Variants in MCM9 observed in about 807,000 individuals in gnomAD.
MCM9 encodes DNA helicase MCM9.
Under a neutral mutation model 72.8 loss-of-function variants are expected in MCM9, and 55 were observed. That is an observed-to-expected ratio of 0.76 (90% CI 0.61 to 0.95). MCM9 has a LOEUF of 0.95. Among genes scored for constraint, MCM9 ranks in the 40% least tolerant of loss-of-function variants. The pLI is 0.00. For missense variants in MCM9, 1,279 were observed against 1,377.0 expected (o/e 0.93, Z 1.13); for synonymous variants, 480 against 503.4 (o/e 0.95, Z 0.62).
chr6:118,890,719 G>A (rs1419164925), intron 8 of MCM9, among the ~76,000 whole-genome samples: 8 of 151,622 alleles, frequency 5.3e-5, no homozygotes, highest in African/African-American at 1.9e-4. Context: ...CAAATCTCTA[G>A]TCTATATTTA....
intron 8 of MCM9, among the ~76,000 whole-genome samples, chr6:118,861,969 C>T (rs1427418437): frequency 6.6e-6 from 1 of 152,198 alleles, no homozygotes; most frequent in African/African-American, 2.4e-5. Flanking sequence ...CCATGCTGAG[C>T]TACCTTCAGC....
intron 8 of MCM9, among the ~76,000 whole-genome samples, chr6:118,896,564 C>T (rs1470487007): frequency 1.3e-5 from 2 of 152,166 alleles, no homozygotes; most frequent in Non-Finnish European, 2.9e-5. Context: ...CAGGGATTTA[C>T]AGTACTGGTG....
At chr6:118,862,487 A>C (rs1776966860) in intron 8 of MCM9, among the ~76,000 whole-genome samples, 1 of 152,218 alleles carries the variant, frequency 6.6e-6, no homozygotes, top group Non-Finnish European at 1.5e-5. Flanking sequence ...GCACCTAGAC[A>C]GTCCCATCTG....
chr6:118,922,210 G>A, intron 4 of MCM9, 124 bp from the exon 5 acceptor site: 11 of 634,262 alleles, frequency 1.7e-5, no homozygotes, highest in South Asian at 9.3e-5. Flanking sequence ...AATTATAATG[G>A]GGATTTAAGT....
intron 1 of MCM9, among the ~76,000 whole-genome samples, chr6:118,933,964 CAAAA>C (rs58109173): frequency 2.0e-5 from 2 of 100,296 alleles, no homozygotes; most frequent in South Asian, 3.7e-4. Flanking sequence ...GGACTTTGCC[CAAAA>C]AAAAAAAAAA....
intron 3 of MCM9, among the ~76,000 whole-genome samples, chr6:118,926,169 C>T (rs547640977): frequency 1.2e-4 from 19 of 152,292 alleles, no homozygotes; most frequent in Admixed American, 1.2e-3. Flanking sequence ...AAATTTCACA[C>T]GTAGATGCTC....
chr6:118,823,688 G>A (rs115063971), intron 13 of MCM9, among the ~76,000 whole-genome samples: 1,568 of 152,232 alleles, frequency 0.01, 27 homozygotes, highest in African/African-American at 0.036. Context: ...TTCTTATAAA[G>A]TACAATATGA....
intron 8 of MCM9, among the ~76,000 whole-genome samples, chr6:118,896,998 T>G (rs1043682077): frequency 6.6e-6 from 1 of 151,926 alleles, no homozygotes; most frequent in Non-Finnish European, 1.5e-5. Flanking sequence ...GCCACCACAT[T>G]GGGCTAATTT....
At chr6:118,862,918 G>T (rs1246285080) in intron 8 of MCM9, among the ~76,000 whole-genome samples, 2 of 152,182 alleles carry the variant, frequency 1.3e-5, no homozygotes, top group Admixed American at 1.3e-4. Flanking sequence ...AAGTAAAAGA[G>T]AAATAAAGAC....
At chr6:118,920,182 C>T (rs1394317330) in intron 5 of MCM9, 1 of 152,210 alleles carries the variant, frequency 6.6e-6, no homozygotes, top group Non-Finnish European at 1.5e-5. Flanking sequence ...ACAGATATTA[C>T]AGATTTAGGT....
At chr6:118,822,669 T>C (rs1773895405) in intron 13 of MCM9, among the ~76,000 whole-genome samples, 1 of 152,228 alleles carries the variant, frequency 6.6e-6, no homozygotes, top group African/African-American at 2.4e-5. Flanking sequence ...TAGGATCAGC[T>C]GCTCTCTTCA....
intron 9 of MCM9, among the ~76,000 whole-genome samples, chr6:118,851,180 A>G (rs1776203490): frequency 6.6e-6 from 1 of 151,850 alleles, no homozygotes; most frequent in Non-Finnish European, 1.5e-5. Context: ...GCCAGCATGT[A>G]TTAGAAACAT....
At chr6:118,924,741 A>G (rs1233477173) in intron 3 of MCM9, among the ~76,000 whole-genome samples, 2 of 152,228 alleles carry the variant, frequency 1.3e-5, no homozygotes, top group Non-Finnish European at 2.9e-5. Flanking sequence ...AACAGGCAAC[A>G]GAAAAGGTGC....
At position 118,815,865 on chromosome 6, in the gene MCM9, A is replaced by C. The variant is rs1363863865; in HGVS notation, c.2391T>G (p.Ile797Met). The C allele has an allele frequency of 1.9e-6, 3 of 1,541,270 alleles. No individual in the cohort carries two copies. In the Admixed American group the frequency reaches 5.9e-5, roughly 30 times the overall value. ...TCTCTCCTGGTGATGGAAGCAACCC[A>C]ATGTCCACTTTGCTCCTTTGGCCTG... is the stretch of plus-strand genomic sequence containing the variant. The part of the protein sequence containing the change: ...SEPGQRSKVD[I>M]GLLPSPGETG... The change falls in exon 14 of 14, where the codon ATT becomes ATG. Residue 797 changes from isoleucine to methionine, a missense_variant. Ile to Met is a conservative substitution (Grantham distance 10, BLOSUM62 1). Transcript: ENST00000619706.
intron 8 of MCM9, among the ~76,000 whole-genome samples, chr6:118,887,941 A>C (rs911843714): frequency 1.3e-5 from 2 of 152,090 alleles, no homozygotes; most frequent in Non-Finnish European, 2.9e-5. Context: ...TGTATTTTTT[A>C]AAAAAGGGGT....
chr6:118,893,942 C>CCCGCCGCGGCCACG, intron 8 of MCM9: 1 of 910,144 alleles, frequency 1.1e-6, no homozygotes, highest in South Asian at 4.9e-5. Flanking sequence ...GCCACGCCTC[C>CCCGCCGCGGCCACG]CCGCCGCGGC....
chr6:118,830,394 A>G (rs1774460673), intron 9 of MCM9, among the ~76,000 whole-genome samples: 1 of 152,234 alleles, frequency 6.6e-6, no homozygotes, highest in South Asian at 2.1e-4. Context: ...GCACAAGAAG[A>G]CACTGATTAA....
intron 13 of MCM9, among the ~76,000 whole-genome samples, chr6:118,825,119 G>A (rs1774074725): frequency 2.6e-5 from 4 of 152,152 alleles, no homozygotes; most frequent in African/African-American, 9.7e-5. Context: ...CAGTCAAAAT[G>A]AGCAGCCTCT....
intron 9 of MCM9, among the ~76,000 whole-genome samples, chr6:118,853,009 AT>A (rs1776324518): frequency 6.6e-6 from 1 of 152,152 alleles, no homozygotes; most frequent in Admixed American, 6.5e-5. Context: ...GTAGTATTCC[AT>A]GGTATGGGTC....
Sources: allele counts gnomAD v4.1 joint callset (sites outside exome capture counted in the v4.1 genomes callset), GRCh38; gene constraint gnomAD v4.1.1; transcripts MANE v1.5; gene names NCBI Gene and HGNC (gene_info 2026-07-23, HGNC 2026-07-21).